The following FAAP24 variants were observed in gnomAD, a reference collection of about 807,000 sequenced individuals.
The protein encoded by FAAP24 is FA core complex associated protein 24, also known as Fanconi anemia core complex-associated protein 24.
Under a neutral mutation model 14.3 loss-of-function variants are expected in FAAP24, and 16 were observed. That is an observed-to-expected ratio of 1.12 (90% CI 0.76 to 1.69). The LOEUF (loss-of-function observed/expected upper bound fraction) is 1.69, where lower values mean the gene tolerates loss of function less well. Among genes scored for constraint, FAAP24 ranks in the 40% most tolerant of loss-of-function variants. FAAP24 has a pLI of 0.00. For missense variants in FAAP24, 234 were observed against 262.7 expected, an observed-to-expected ratio of 0.89 and a Z score of 0.75; for synonymous variants, 111 against 106.2, an observed-to-expected ratio of 1.04 and a Z score of -0.28.
In FAAP24 at chr19:32,972,778, G is replaced by T. The variant is rs547713469; in HGVS notation, c.-13-406G>T. Among the ~76,000 whole-genome samples, 4 of 144,338 alleles carry T rather than the reference G, an allele frequency of 2.8e-5. No individual in the cohort carries two copies. The South Asian group carries it at 9.0e-4, about 33-fold the overall frequency. The allele number at this position is 144,338 out of a possible 152,430, so 94.7% of individuals were successfully genotyped here. ...CGCCCAGGCTGGAGTGCAGTGGCGCGATCTCGGCTCACTGCAACCTCCGCC... is the reference window on the plus strand; with the variant it reads ...CGCCCAGGCTGGAGTGCAGTGGCGCTATCTCGGCTCACTGCAACCTCCGCC... On this transcript the variant is annotated intron_variant, in intron 1 of 4. Coordinates refer to ENST00000588258, the MANE Select transcript of FAAP24 (RefSeq NM_152266.5).
Position 32,976,829 on chromosome 19 carries a change from T to C in FAAP24, c.*147T>C, listed in dbSNP as rs999170328. The C allele has an allele frequency of 9.6e-7, 1 of 1,039,214 alleles. No homozygotes were observed. The highest frequency in any genetic ancestry group is 1.6e-5 in the African/African-American group (1 of 61,720). The allele number at this position is 1,039,214 out of a possible 1,614,324, so 64.4% of individuals were successfully genotyped here. ...TTGGGAGGCCGAAGACAGCGGATCA[T>C]CTGAGGTCAGGAGTTCAAGACCAGC... On this transcript the variant is annotated 3_prime_UTR_variant, in exon 5 of 5. Coordinates refer to ENST00000588258, the MANE Select transcript of FAAP24 (RefSeq NM_152266.5).
At chr19:32,973,347 TA>T (rs536928664) in intron 2 of FAAP24, 45 bp downstream of exon 2, 51,924 of 810,852 alleles carry the variant, frequency 0.064, 1 homozygote, top group South Asian at 0.085. Flanking sequence ...CCTGACATAT[TA>T]AAAAAAAAAA....
rs752056323 is a variant in FAAP24 at position 32,973,471 on chromosome 19, A to G, written c.152A>G (p.Tyr51Cys). The change falls in exon 3 of 5, where the codon TAT becomes TGT. Residue 51 changes from tyrosine (Y) to cysteine (C), a missense_variant. By Grantham distance (194) the Tyr-to-Cys change is radical (BLOSUM62 -2). Coordinates refer to ENST00000588258, the MANE Select transcript of FAAP24 (RefSeq NM_152266.5). ...IFEDGLTPDF[Y>C]LSNRCCILYV... ...GAGGATGGCTTGACACCAGACTTTTATCTGTCGAACAGATGCTGCATTCTT... is the reference window on the plus strand; with the variant it reads ...GAGGATGGCTTGACACCAGACTTTTGTCTGTCGAACAGATGCTGCATTCTT... 1.2e-5 allele frequency: 20 copies of G among 1,614,122 alleles called. No homozygotes were observed. In the African/African-American group the frequency reaches 2.3e-4, roughly 18 times the overall value.
Position 32,976,984 on chromosome 19 carries a change from T to A in FAAP24, c.*302T>A, listed in dbSNP as rs1302646300. On this transcript the variant is annotated 3_prime_UTR_variant, in exon 5 of 5. Coordinates refer to ENST00000588258, the MANE Select transcript of FAAP24 (RefSeq NM_152266.5). ...TGAACCCGGGAGGCGGAGGTTGCAG[T>A]GAGCTGAGATCGTGCCACTGCACTC... is the stretch of plus-strand genomic sequence containing the variant. The A allele has an allele frequency of 4.5e-5, 21 of 471,456 alleles. No individual in the cohort carries two copies. The East Asian group carries it at 6.5e-4, about 15-fold the overall frequency. The allele number at this position is 471,456 out of a possible 1,614,324, so 29.2% of individuals were successfully genotyped here. A position where few individuals can be genotyped will look rare whatever the true frequency, so the allele number is the denominator to read the frequency against.
intron 1 of FAAP24, 146 bp downstream of exon 1, chr19:32,972,492 G>A (rs995420674): frequency 2.5e-6 from 1 of 393,352 alleles, no homozygotes; most frequent in Non-Finnish European, 4.5e-6. Flanking sequence ...GCTCAGGCTG[G>A]TCTCGAACTC....
intron 3 of FAAP24, 61 bp from the exon 4 acceptor site, chr19:32,973,999 C>T: frequency 1.9e-6 from 3 of 1,544,812 alleles, no homozygotes; most frequent in Non-Finnish European, 1.8e-6. Flanking sequence ...GAAGTGATAG[C>T]ATTCTTAACC....
intron 4 of FAAP24, among the ~76,000 whole-genome samples, chr19:32,974,417 T>TG (rs1243075061): frequency 2.0e-5 from 3 of 152,328 alleles, no homozygotes; most frequent in Admixed American, 1.3e-4. Context: ...GTATACAAGT[T>TG]GGAGACCTGA....
intron 4 of FAAP24, among the ~76,000 whole-genome samples, chr19:32,975,668 G>T (rs981354723): frequency 6.6e-6 from 1 of 151,678 alleles, no homozygotes; most frequent in African/African-American, 2.4e-5. Flanking sequence ...ATGTTGGTCA[G>T]GCTGGTCTCG....
chr19:32,975,273 G>T (rs1459000929), intron 4 of FAAP24, among the ~76,000 whole-genome samples: 2 of 139,212 alleles, frequency 1.4e-5, no homozygotes, highest in Non-Finnish European at 3.1e-5. Flanking sequence ...GGGTTCAAGC[G>T]ATTCTCCTGC....
At chr19:32,974,007 A>G in intron 3 of FAAP24, 53 bp from the exon 4 acceptor site, 1 of 1,585,162 alleles carries the variant, frequency 6.3e-7, no homozygotes, top group Non-Finnish European at 8.7e-7. Context: ...AGCATTCTTA[A>G]CCTGAAAAGC....
intron 1 of FAAP24, among the ~76,000 whole-genome samples, chr19:32,972,875 G>A (rs1440356599): frequency 2.0e-5 from 3 of 151,700 alleles, no homozygotes; most frequent in Admixed American, 2.0e-4. Flanking sequence ...CACCAAGCCC[G>A]GCTAATTTTT....
chr19:32,973,476 T>C lies in FAAP24; in HGVS notation c.157T>C (p.Ser53Pro), dbSNP rs1048206692. The C allele has an allele frequency of 6.2e-7, 1 of 1,614,252 alleles. No individual in the cohort carries two copies. Among genetic ancestry groups the C allele is most frequent in the Admixed American group, 1.7e-5 (1 of 60,032 alleles). ...TGGCTTGACACCAGACTTTTATCTGTCGAACAGATGCTGCATTCTTTATGT... is the reference window on the plus strand; with the variant it reads ...TGGCTTGACACCAGACTTTTATCTGCCGAACAGATGCTGCATTCTTTATGT... ...EDGLTPDFYLSNRCCILYVTE... is the reference protein window; with the variant it reads ...EDGLTPDFYLPNRCCILYVTE... The change falls in exon 3 of 5, where the codon TCG becomes CCG. Residue 53 changes from serine to proline, a missense_variant. Coordinates refer to ENST00000588258, the MANE Select transcript of FAAP24 (RefSeq NM_152266.5).
rs900861352 is a variant in FAAP24, at chr19:32,973,222, C to G, written c.26C>G (p.Thr9Arg). 1 of 1,613,666 alleles carries G rather than the reference C, an allele frequency of 6.2e-7. No individual in the cohort carries two copies. Among genetic ancestry groups the G allele is most frequent in the African/African-American group, 1.3e-5 (1 of 74,878 alleles). The change falls in exon 2 of 5, where the codon ACG (threonine) becomes AGG (arginine). Residue 9 changes from threonine (T) to arginine (R), a missense_variant. Transcript: ENST00000588258. ...ATGGAAAAGAACCCCCCTGATGATA[C>G]GGGCCCCGTGCACGTGCCTTTGGGG... MEKNPPDD[T>R]GPVHVPLGHI...
At position 32,973,552 on chromosome 19, in the gene FAAP24, G is replaced by A. The variant is rs775877888; in HGVS notation, c.233G>A (p.Arg78Gln). The A allele has an allele frequency of 2.2e-5, 35 of 1,614,138 alleles. 1 individual carries two copies. The highest frequency in any genetic ancestry group is 2.7e-5 in the African/African-American group (2 of 75,040). ...AGNGYRKRLVRVRNSNNLKGI... is the reference protein window; with the variant it reads ...AGNGYRKRLVQVRNSNNLKGI... ...AATGGCTACAGAAAGAGGCTTGTTC[G>A]GGTTAGAAATGTAAGTATTAGGCTG... The change falls in exon 3 of 5, where the codon CGG (arginine) becomes CAG (glutamine). Residue 78 changes from arginine to glutamine, a missense_variant. Coordinates refer to ENST00000588258, the MANE Select transcript of FAAP24 (RefSeq NM_152266.5).
Position 32,974,096 on chromosome 19 carries a change from A to G in FAAP24, c.280A>G (p.Thr94Ala). 1 of 1,614,032 alleles carries G rather than the reference A, an allele frequency of 6.2e-7. No individual in the cohort carries two copies. ...TAAAGGAATTGTAGTCGTTGAAAAA[A>G]CCCGGATGAGTGAACAATACTTCCC... ...NLKGIVVVEK[T>A]RMSEQYFPAL... Residue 94 changes from threonine to alanine, a missense_variant, in exon 4 of 5, where the codon ACC (threonine) becomes GCC (alanine). Coordinates refer to ENST00000588258, the MANE Select transcript of FAAP24 (RefSeq NM_152266.5).
In FAAP24 at chr19:32,973,273, G is replaced by A. The variant is rs200833742; in HGVS notation, c.77G>A (p.Arg26His). Reference protein sequence around the residue: ...LGHIVANEKWRGSQLAQEMQG... With the variant: ...LGHIVANEKWHGSQLAQEMQG... ...CATATTGTGGCCAATGAGAAATGGC[G>A]CGGGTCACAGCTGGCGCAGGAGATG... Residue 26 changes from arginine (R) to histidine (H), a missense_variant, in exon 2 of 5, where the codon CGC becomes CAC. Arg to His is a conservative substitution (Grantham distance 29). Coordinates refer to ENST00000588258, the MANE Select transcript of FAAP24 (RefSeq NM_152266.5). 4.2e-5 allele frequency: 67 copies of A among 1,614,030 alleles called. No homozygotes were observed. The highest frequency in any genetic ancestry group is 8.3e-5 in the Admixed American group (5 of 59,992).
chr19:32,975,460 C>CT (rs35704162), intron 4 of FAAP24, among the ~76,000 whole-genome samples: 3,682 of 137,288 alleles, frequency 0.027, 102 homozygotes, highest in Non-Finnish European at 0.035. Context: ...CCAACCAACA[C>CT]TTTTTTTTTT....
chr19:32,973,584 G>A (rs1971475044), intron 3 of FAAP24, 22 bp downstream of exon 3: 2 of 1,613,412 alleles, frequency 1.2e-6, no homozygotes, highest in South Asian at 2.2e-5. Flanking sequence ...GCTGGGTGCT[G>A]TGGCTCACGC....
intron 2 of FAAP24, 40 bp downstream of exon 2, chr19:32,973,342 CAT>C (rs1971467739): frequency 3.1e-6 from 5 of 1,600,662 alleles, no homozygotes; most frequent in Non-Finnish European, 4.3e-6. Context: ...CCTCCCCTGA[CAT>C]ATTAAAAAAA....
Sources: gnomAD v4.1 joint callset for allele counts (sites outside exome capture counted in the v4.1 genomes callset) on GRCh38, gnomAD v4.1.1 for gene constraint, MANE v1.5 for transcripts, NCBI Gene and HGNC (gene_info 2026-07-23, HGNC 2026-07-21) for gene names.